The following ERCC8 variants were observed in gnomAD, a reference collection of about 807,000 sequenced individuals.
The protein encoded by ERCC8 is DNA excision repair protein ERCC-8.
In ERCC8, 52 loss-of-function variants were observed where a neutral mutation model predicts 54.9. That is an observed-to-expected ratio of 0.95 (90% confidence interval 0.76 to 1.19). The LOEUF is 1.19. Ranked by LOEUF, ERCC8 falls within the 50% of genes most tolerant of loss-of-function variation. ERCC8 has a pLI of 0.00. For synonymous variants in ERCC8, 146 were observed against 157.2 expected, an observed-to-expected ratio of 0.93 and a Z score of 0.53; for missense variants, 514 against 466.1, an observed-to-expected ratio of 1.10 and a Z score of -0.95.
intron 5 of ERCC8, 28 bp downstream of exon 5, chr5:60,904,764 C>A: frequency 6.9e-7 from 1 of 1,456,054 alleles, no homozygotes; most frequent in South Asian, 1.2e-5. Context: ...TTCAGTATGT[C>A]AAAAGACAAA....
rs1747932993 is a variant in ERCC8 at position 60,874,308 on chromosome 5, C to T, written c.*307G>A. On this transcript the variant is annotated 3_prime_UTR_variant, in exon 12 of 12. Transcript: ENST00000676185. The stretch of plus-strand genomic sequence containing the variant: ...ACTTGCTGATCCTCTGAGACTGCAT[C>T]TTATAGTTCATAAAATCTGCTGAAG... 3 of 291,488 alleles carry T rather than the reference C, an allele frequency of 1.0e-5. No homozygotes were observed. The South Asian group carries it at 1.8e-4, about 17-fold the overall frequency. 18.1% of individuals were successfully genotyped at this position (291,488 alleles called of 1,614,324 possible).
chr5:60,878,205 A>T (rs1282617620), intron 11 of ERCC8, among the ~76,000 whole-genome samples: 5 of 151,998 alleles, frequency 3.3e-5, no homozygotes, highest in Non-Finnish European at 7.4e-5. Context: ...CTAGCCTTGC[A>T]TCCCAGGGAT....
chr5:60,939,275 C>T (rs1473685824), intron 1 of ERCC8, among the ~76,000 whole-genome samples: 3 of 152,148 alleles, frequency 2.0e-5, no homozygotes, highest in African/African-American at 2.4e-5. Context: ...TAATCATACA[C>T]ATACTGCAAG....
At position 60,945,023 on chromosome 5, in the gene ERCC8, C is replaced by T. The variant is rs777643535; in HGVS notation, c.-15G>A. The T allele has an allele frequency of 2.5e-6, 4 of 1,610,538 alleles. No individual in the cohort carries two copies. The Admixed American group carries it at 6.7e-5, about 27-fold the overall frequency. On this transcript the variant is annotated 5_prime_UTR_variant, in exon 1 of 12. The change creates a new upstream start codon in the 5' untranslated region. Coordinates refer to ENST00000676185, the MANE Select transcript of ERCC8 (RefSeq NM_000082.4). ...AACCCCAGCATATCGTGTCCTCACA[C>T]CGGCTGGAGCACTGGACGTCGCCAT...
rs766049153 is a variant in ERCC8 at position 60,904,905 on chromosome 5, G to C, written c.400-32C>G. On this transcript the variant is annotated intron_variant, in intron 4 of 11. Coordinates refer to ENST00000676185, the MANE Select transcript of ERCC8 (RefSeq NM_000082.4). Reference sequence around the variant, plus strand: ...ATCAAAAGACATTTAAAAAGTATAAGGTTTAAGTATAAAAACAAAGCAATA... The same window carrying C: ...ATCAAAAGACATTTAAAAAGTATAACGTTTAAGTATAAAAACAAAGCAATA... 3 of 1,072,166 alleles carry C rather than the reference G, an allele frequency of 2.8e-6. No individual in the cohort carries two copies. In the South Asian group the frequency reaches 3.9e-5, roughly 14 times the overall value. The allele number at this position is 1,072,166 out of a possible 1,614,324, so 66.4% of individuals were successfully genotyped here.
chr5:60,893,250 C>A, intron 9 of ERCC8: 1 of 1,004,190 alleles, frequency 1.0e-6, no homozygotes, highest in Non-Finnish European at 1.6e-6. Context: ...ATAGTGGCCT[C>A]GTCATCCAGC....
At chr5:60,922,770 A>G (rs1041868001) in intron 2 of ERCC8, among the ~76,000 whole-genome samples, 2 of 152,148 alleles carry the variant, frequency 1.3e-5, no homozygotes, top group Non-Finnish European at 2.9e-5. Context: ...TGCTAAAACA[A>G]CTGTCAACAA....
rs762029625 is a variant in ERCC8 at position 60,928,875 on chromosome 5, A to C, written c.162T>G (p.Val54=). ...TATAATAAACTTACTATCTCCCTTCAACAGGTTCAATGTCAAGGGTGTTAA... is the reference window on the plus strand; with the variant it reads ...TATAATAAACTTACTATCTCCCTTCCACAGGTTCAATGTCAAGGGTGTTAA... ...GGINTLDIEP[V]EGRYMLSGGS... Residue 54 remains valine (V), a synonymous_variant, in exon 2 of 12, where the codon GTT becomes GTG. Coordinates refer to ENST00000676185, the MANE Select transcript of ERCC8 (RefSeq NM_000082.4). 6 of 1,589,118 alleles carry C rather than the reference A, an allele frequency of 3.8e-6. No individual in the cohort carries two copies. The Admixed American group carries it at 1.0e-4, about 27-fold the overall frequency.
At chr5:60,914,789 TA>T (rs55638584) in intron 4 of ERCC8, among the ~76,000 whole-genome samples, 9,848 of 121,296 alleles carry the variant, frequency 0.081, 438 homozygotes, top group Non-Finnish European at 0.11. Flanking sequence ...TCTTGTCTCT[TA>T]AAAAAAAAAA....
intron 8 of ERCC8, among the ~76,000 whole-genome samples, chr5:60,898,794 T>TAA (rs1554073132): frequency 2.4e-5 from 1 of 42,094 alleles, no homozygotes. Flanking sequence ...TGTTTTCCAT[T>TAA]GAAAAAAAAA....
intron 4 of ERCC8, among the ~76,000 whole-genome samples, chr5:60,908,586 T>A (rs868808574): frequency 0.021 from 3,126 of 148,644 alleles, 124 homozygotes; most frequent in African/African-American, 0.073. Flanking sequence ...TATATATATT[T>A]TTTTTTTAAA....
At chr5:60,918,167 C>T (rs1401395886) in intron 4 of ERCC8, 98 bp downstream of exon 4, 33 of 955,784 alleles carry the variant, frequency 3.5e-5, no homozygotes, top group Non-Finnish European at 5.0e-5. Context: ...TCACATCTAA[C>T]ATATATGACA....
At chr5:60,911,437 G>GT (rs1363861492) in intron 4 of ERCC8, among the ~76,000 whole-genome samples, 19 of 150,660 alleles carry the variant, frequency 1.3e-4, no homozygotes, top group African/African-American at 4.7e-4. Context: ...CTTTTTGATG[G>GT]GTTTTTTTTT....
intron 11 of ERCC8, among the ~76,000 whole-genome samples, chr5:60,878,884 C>T (rs536151829): frequency 2.2e-4 from 34 of 152,072 alleles, no homozygotes; most frequent in Admixed American, 1.8e-3. Flanking sequence ...TCTGCTCTGA[C>T]CTTAGTTATT....
intron 1 of ERCC8, among the ~76,000 whole-genome samples, chr5:60,943,546 A>T (rs1273049148): frequency 6.6e-6 from 1 of 152,222 alleles, no homozygotes; most frequent in Non-Finnish European, 1.5e-5. Flanking sequence ...GCTGCAAAGC[A>T]TGGAGGTTTG....
At chr5:60,889,744 T>C (rs139590259) in intron 10 of ERCC8, among the ~76,000 whole-genome samples, 53 of 152,312 alleles carry the variant, frequency 3.5e-4, no homozygotes, top group African/African-American at 1.2e-3. Context: ...GGGACAATGT[T>C]TTAAGAATTT....
intron 4 of ERCC8, among the ~76,000 whole-genome samples, chr5:60,915,574 A>C (rs1561509311): frequency 6.6e-6 from 1 of 152,036 alleles, no homozygotes; most frequent in Non-Finnish European, 1.5e-5. Flanking sequence ...AATGGATTAT[A>C]ATCAAGGTGT....
intron 5 of ERCC8, among the ~76,000 whole-genome samples, chr5:60,904,589 T>A (rs2112494111): frequency 7.1e-6 from 1 of 141,336 alleles, no homozygotes; most frequent in Non-Finnish European, 1.5e-5. Context: ...ATCTGTTGAA[T>A]ATAAATAGTA....
At chr5:60,918,596 C>T (rs1172375796) in intron 3 of ERCC8, 9 of 556,802 alleles carry the variant, frequency 1.6e-5, no homozygotes, top group Admixed American at 2.9e-5. Context: ...AGAGACATAC[C>T]TCCTACTAAG....
Sources: allele counts gnomAD v4.1 joint callset (sites outside exome capture counted in the v4.1 genomes callset), GRCh38; gene constraint gnomAD v4.1.1; transcripts MANE v1.5; gene names NCBI Gene and HGNC (gene_info 2026-07-23, HGNC 2026-07-21).